Variants in UVRAG observed in about 807,000 individuals in gnomAD.
UVRAG encodes UV radiation resistance-associated gene protein.
UVRAG carries 19 observed loss-of-function variants against 78.0 expected under a neutral mutation model. The ratio of observed to expected loss-of-function variants is 0.24; its 90% CI spans 0.17 to 0.36. The LOEUF (loss-of-function observed/expected upper bound fraction) is 0.36, where lower values mean the gene tolerates loss of function less well. UVRAG is among the 10% of genes least tolerant of loss of function. The pLI, the probability that UVRAG is intolerant of heterozygous loss-of-function variation, is 1.00. For synonymous variants in UVRAG, 323 were observed against 324.6 expected, an observed-to-expected ratio of 1.00 and a Z score of 0.05; for missense variants, 740 against 853.8, an observed-to-expected ratio of 0.87 and a Z score of 1.66.
At chr11:76,072,281 TAGA>T (rs1429760849) in intron 13 of UVRAG, among the ~76,000 whole-genome samples, 2 of 152,170 alleles carry the variant, frequency 1.3e-5, no homozygotes, top group Non-Finnish European at 1.5e-5. Flanking sequence ...AATTTCTGAA[TAGA>T]AGAAGTCATC....
chr11:76,015,094 C>T (rs1252079954), intron 11 of UVRAG, among the ~76,000 whole-genome samples: 1 of 152,192 alleles, frequency 6.6e-6, no homozygotes, highest in African/African-American at 2.4e-5. Context: ...CTATGCAAGT[C>T]ATCGAGGACT....
intron 14 of UVRAG, chr11:76,137,569 T>G (rs1248331324): frequency 1.2e-5 from 5 of 408,976 alleles, no homozygotes; most frequent in South Asian, 5.4e-5. Flanking sequence ...CTTTATTATC[T>G]CTCCAAAAAT....
intron 9 of UVRAG, 77 bp from the exon 10 acceptor site, chr11:76,007,457 T>G: frequency 8.7e-7 from 1 of 1,142,988 alleles, no homozygotes; most frequent in South Asian, 1.4e-5. Context: ...TTCTTTGGAT[T>G]AATTGTGTGG....
At position 76,134,296 on chromosome 11, in the gene UVRAG, T is replaced by C. The variant is rs114558398; in HGVS notation, c.1398-6415T>C. Among the ~76,000 whole-genome samples, 1,416 of 149,472 alleles carry C rather than the reference T, an allele frequency of 9.5e-3. 29 individuals are homozygous for C. Among genetic ancestry groups the C allele is most frequent in the African/African-American group, 0.033 (1,330 of 39,950 alleles). ...TTTTTTTTGGTGGGCGGGGGAGTCT[T>C]ACTTTCATCCAAGCTGGAATGCAGT... On this transcript the variant is annotated intron_variant, in intron 14 of 14. Coordinates refer to ENST00000356136, the MANE Select transcript of UVRAG (RefSeq NM_003369.4).
intron 6 of UVRAG, among the ~76,000 whole-genome samples, chr11:75,953,131 A>G (rs897997613): frequency 2.6e-5 from 4 of 152,036 alleles, no homozygotes; most frequent in African/African-American, 9.7e-5. Context: ...TTTGTTTTCA[A>G]GCATCATTCT....
At chr11:76,076,138 G>A (rs1951400046) in intron 13 of UVRAG, among the ~76,000 whole-genome samples, 1 of 152,104 alleles carries the variant, frequency 6.6e-6, no homozygotes, top group African/African-American at 2.4e-5. Context: ...CCATATGGTA[G>A]CTATGTTTAA....
intron 6 of UVRAG, among the ~76,000 whole-genome samples, chr11:75,960,333 C>A (rs1211691667): frequency 6.6e-6 from 1 of 151,520 alleles, no homozygotes; most frequent in Non-Finnish European, 1.5e-5. Flanking sequence ...TATCCCATGA[C>A]CTTGCTAAAT....
chr11:75,986,116 T>G (rs1184660591), intron 8 of UVRAG, among the ~76,000 whole-genome samples: 1 of 152,212 alleles, frequency 6.6e-6, no homozygotes, highest in Non-Finnish European at 1.5e-5. Flanking sequence ...TTGATGGAAC[T>G]GCATTGAATA....
intron 13 of UVRAG, among the ~76,000 whole-genome samples, chr11:76,106,368 G>A (rs537690382): frequency 4.6e-5 from 7 of 151,952 alleles, no homozygotes; most frequent in African/African-American, 1.7e-4. Flanking sequence ...AAGCAGAAAT[G>A]CCTATTTTTT....
At position 76,014,645 on chromosome 11, in the gene UVRAG, T is replaced by C. The variant is rs116262248; in HGVS notation, c.1061-2170T>C. Among the ~76,000 whole-genome samples, 471 of 152,334 alleles carry C rather than the reference T, an allele frequency of 3.1e-3. 2 individuals carry two copies. The highest frequency in any genetic ancestry group is 0.01 in the African/African-American group (432 of 41,552). On this transcript the variant is annotated intron_variant, in intron 11 of 14. Coordinates refer to ENST00000356136, the MANE Select transcript of UVRAG (RefSeq NM_003369.4). ...ACACCTGTATAGGTATTCTGGAGGA[T>C]TGTGGACACAATTCTTTCAGTTACT...
At chr11:76,118,581 T>C (rs1162972260) in intron 14 of UVRAG, among the ~76,000 whole-genome samples, 1 of 152,220 alleles carries the variant, frequency 6.6e-6, no homozygotes, top group African/African-American at 2.4e-5. Context: ...TTTTTAATCA[T>C]GAATATGTGT....
chr11:75,924,750 A>G (rs1415783828), intron 6 of UVRAG, among the ~76,000 whole-genome samples: 1 of 152,192 alleles, frequency 6.6e-6, no homozygotes, highest in African/African-American at 2.4e-5. Context: ...GTCAGGACTT[A>G]CTGATAGATC....
intron 1 of UVRAG, among the ~76,000 whole-genome samples, chr11:75,825,847 T>A (rs1945498956): frequency 6.6e-6 from 1 of 152,092 alleles, no homozygotes; most frequent in African/African-American, 2.4e-5. Flanking sequence ...GTTTCTTTTT[T>A]TTTTTTGAGA....
intron 13 of UVRAG, among the ~76,000 whole-genome samples, chr11:76,086,125 T>C (rs1951585569): frequency 6.6e-6 from 1 of 152,242 alleles, no homozygotes; most frequent in Admixed American, 6.5e-5. Flanking sequence ...TGCTTACATA[T>C]TTGTAATTTA....
At chr11:75,829,455 C>T (rs1330670482) in intron 1 of UVRAG, among the ~76,000 whole-genome samples, 8 of 152,170 alleles carry the variant, frequency 5.3e-5, no homozygotes, top group Admixed American at 4.6e-4. Flanking sequence ...TTAACTATGA[C>T]CCATTTTGTT....
At chr11:75,839,809 G>GTT (rs1450326249) in intron 1 of UVRAG, among the ~76,000 whole-genome samples, 19 of 138,826 alleles carry the variant, frequency 1.4e-4, no homozygotes, top group South Asian at 2.3e-4. Context: ...ATGTGTGTGT[G>GTT]TTTTTGTGTG....
chr11:75,949,653 T>C (rs1039782406), intron 6 of UVRAG, among the ~76,000 whole-genome samples: 36 of 151,048 alleles, frequency 2.4e-4, no homozygotes, highest in African/African-American at 8.5e-4. Context: ...AACATTCTTT[T>C]CTTTTTCTTT....
chr11:76,061,053 C>T (rs1168858156), intron 12 of UVRAG, among the ~76,000 whole-genome samples: 3 of 152,230 alleles, frequency 2.0e-5, no homozygotes, highest in African/African-American at 7.2e-5. Context: ...CTTGGAGAAC[C>T]TTTATGTCTA....
chr11:76,085,182 A>G (rs1422725565), intron 13 of UVRAG, among the ~76,000 whole-genome samples: 1 of 151,938 alleles, frequency 6.6e-6, no homozygotes, highest in Non-Finnish European at 1.5e-5. Flanking sequence ...CTTTTGAGAC[A>G]TTTGGCAAAG....
Sources: allele counts gnomAD v4.1 joint callset (sites outside exome capture counted in the v4.1 genomes callset), GRCh38; gene constraint gnomAD v4.1.1; transcripts MANE v1.5; gene names NCBI Gene and HGNC (gene_info 2026-07-23, HGNC 2026-07-21).